The following BACH1 variants were observed in gnomAD, a reference collection of about 807,000 sequenced individuals.
The protein encoded by BACH1 is BTB domain and CNC homolog 1, also known as transcription regulator protein BACH1.
In BACH1, 35 loss-of-function variants were observed where a neutral mutation model predicts 52.9. The observed-to-expected ratio is 0.66, with a 90% CI of 0.51 to 0.88. The LOEUF is 0.88. BACH1 is among the 40% of genes least tolerant of loss of function. BACH1 has a pLI of 0.00. For missense variants in BACH1, 808 were observed against 872.6 expected (o/e 0.93, Z 0.93); for synonymous variants, 321 against 319.6 (o/e 1.00, Z -0.05).
Position 29,326,409 on chromosome 21 carries a change from C to T in BACH1, c.585C>T (p.Ala195=). The T allele has an allele frequency of 6.2e-7, 1 of 1,614,162 alleles. No individual in the cohort carries two copies. The highest frequency in any genetic ancestry group is 8.5e-7 in the Non-Finnish European group (1 of 1,180,026). ...KLRRYQGNAK[A]SPPLQDSASQ... ...GCAGGTATCAAGGAAATGCAAAAGC[C>T]TCACCTCCTCTACAAGACAGTGCCA... Residue 195 remains alanine, a synonymous_variant, in exon 3 of 5, where the codon GCC becomes GCT. Coordinates refer to ENST00000286800, the MANE Select transcript of BACH1 (RefSeq NM_001186.4).
intron 2 of BACH1, among the ~76,000 whole-genome samples, chr21:29,324,356 G>A (rs1192745030): frequency 6.6e-6 from 1 of 151,268 alleles, no homozygotes; most frequent in African/African-American, 2.4e-5. Flanking sequence ...CCCTTCCTCC[G>A]TGCCTAATCC....
intron 1 of BACH1, among the ~76,000 whole-genome samples, chr21:29,312,905 T>A (rs926115043): frequency 6.6e-6 from 1 of 152,084 alleles, no homozygotes; most frequent in African/African-American, 2.4e-5. Context: ...TTAATAAGAA[T>A]TAAAAAGCCC....
chr21:29,345,709 TAAC>T lies in BACH1; in HGVS notation c.*2880_*2882del, dbSNP rs1386478545. The T allele has an allele frequency of 6.6e-6, 1 of 152,618 alleles. No individual in the cohort carries two copies. The highest frequency in any genetic ancestry group is 1.5e-5 in the Non-Finnish European group (1 of 68,006). 9.5% of individuals were successfully genotyped at this position (152,618 alleles called of 1,614,324 possible). A position where few individuals can be genotyped will look rare whatever the true frequency, so the allele number is the denominator to read the frequency against. ...GTTGCATGTGGACACTCAGTCACAT[TAAC>T]AACTTGGGAAAAAAATGGCAATGTT... On this transcript the variant is annotated 3_prime_UTR_variant, in exon 5 of 5. Coordinates refer to ENST00000286800, the MANE Select transcript of BACH1 (RefSeq NM_001186.4).
At chr21:29,347,875 A>G (rs924599704), downstream of BACH1, among the ~76,000 whole-genome samples, 12 of 152,244 alleles carry the variant, frequency 7.9e-5, no homozygotes, top group African/African-American at 2.7e-4. Context: ...AGATCCCAAC[A>G]TAACATTCCC....
chr21:29,335,570 A>C (rs1381605328), intron 4 of BACH1, among the ~76,000 whole-genome samples: 1 of 152,204 alleles, frequency 6.6e-6, no homozygotes, highest in Admixed American at 6.5e-5. Context: ...AAAAATTTCA[A>C]GCTTTCAGAA....
chr21:29,333,522 A>G (rs1439780263), intron 4 of BACH1, among the ~76,000 whole-genome samples: 2 of 152,236 alleles, frequency 1.3e-5, no homozygotes, highest in African/African-American at 4.8e-5. Flanking sequence ...CACATAGTGA[A>G]TGACTGGTTG....
intron 1 of BACH1, among the ~76,000 whole-genome samples, chr21:29,320,574 G>A (rs953513653): frequency 9.9e-5 from 15 of 152,174 alleles, no homozygotes; most frequent in Non-Finnish European, 1.6e-4. Flanking sequence ...TTACTTGCCT[G>A]TATTTGTAGT....
In BACH1 at chr21:29,326,720, GC is replaced by G. The variant is rs2088916391; in HGVS notation, c.899del (p.Pro300GlnfsTer7). ...ACGAAGAAAGATCCTGCTTCTCAGT[GC>G]CCAACTGAAAAATCAGAAGTGACTC... ...EETKKDPASQ[C>X]PTEKSEVTPF... On this transcript the variant is annotated frameshift_variant, in exon 3 of 5. Coordinates refer to ENST00000286800, the MANE Select transcript of BACH1 (RefSeq NM_001186.4). LOFTEE classifies it high-confidence loss of function. 1 of 1,613,950 alleles carries G rather than the reference GC, an allele frequency of 6.2e-7. No homozygotes were observed. Among genetic ancestry groups the G allele is most frequent in the Non-Finnish European group, 8.5e-7 (1 of 1,180,034 alleles).
At chr21:29,335,998 G>C (rs2089040038) in intron 4 of BACH1, among the ~76,000 whole-genome samples, 1 of 152,086 alleles carries the variant, frequency 6.6e-6, no homozygotes, top group South Asian at 2.1e-4. Flanking sequence ...CCTTTATTAT[G>C]CCTGAGAATT....
In BACH1 at chr21:29,351,205, C is replaced by T. The variant is rs1046581934; in HGVS notation, c.472+21512C>T. Among the ~76,000 whole-genome samples, 7 of 152,152 alleles carry T rather than the reference C, an allele frequency of 4.6e-5. 1 individual carries two copies. Among genetic ancestry groups the T allele is most frequent in the Non-Finnish European group, 7.3e-5 (5 of 68,036 alleles). ...AGTTAATTTCCTTCTTTCAGGAGAC[C>T]GGACCTAAATAATTTTCCAGATACC... On this transcript the variant is annotated intron_variant, in intron 2 of 4. Coordinates refer to the BACH1 transcript ENST00000422809.
intron 1 of BACH1, among the ~76,000 whole-genome samples, chr21:29,301,412 C>T (rs989728736): frequency 2.6e-5 from 4 of 152,122 alleles, no homozygotes; most frequent in Non-Finnish European, 5.9e-5. Context: ...TTTCAACAAC[C>T]GGAATGCTTT....
chr21:29,358,802 G>GAAAGAAAGAA (rs1163252516), intron 2 of BACH1, among the ~76,000 whole-genome samples: 1 of 129,532 alleles, frequency 7.7e-6, no homozygotes, highest in African/African-American at 2.6e-5. Flanking sequence ...AAGAAAGAAA[G>GAAAGAAAGAA]AAAGAAAGAA....
At position 29,322,321 on chromosome 21, in the gene BACH1, T is replaced by G. The variant is rs181070881; in HGVS notation, c.234+807T>G. Among the ~76,000 whole-genome samples, 188 of 152,308 alleles carry G rather than the reference T, an allele frequency of 1.2e-3. 1 individual carries two copies. Among genetic ancestry groups the G allele is most frequent in the African/African-American group, 4.1e-3 (172 of 41,558 alleles). On this transcript the variant is annotated intron_variant, in intron 2 of 4. Transcript: ENST00000286800. ...AAGGAGGCACTCCATGAGTGTTCTGTCTCCCCTTCTTTCTTGACTTAGTCT... is the reference window on the plus strand; with the variant it reads ...AAGGAGGCACTCCATGAGTGTTCTGGCTCCCCTTCTTTCTTGACTTAGTCT...
intron 2 of BACH1, among the ~76,000 whole-genome samples, chr21:29,324,554 CCTT>C: frequency 9.2e-6 from 1 of 108,208 alleles, no homozygotes; most frequent in South Asian, 3.2e-4. Flanking sequence ...TATGGATGTA[CCTT>C]GTGTGTGTGT....
chr21:29,315,849 G>C (rs1746589514), intron 1 of BACH1, among the ~76,000 whole-genome samples: 1 of 151,886 alleles, frequency 6.6e-6, no homozygotes, highest in South Asian at 2.1e-4. Context: ...ACATATCTAG[G>C]TTATGTTCTT....
chr21:29,324,305 A>C (rs1275233303), intron 2 of BACH1, among the ~76,000 whole-genome samples: 2 of 151,154 alleles, frequency 1.3e-5, no homozygotes, highest in Non-Finnish European at 2.9e-5. Flanking sequence ...TTATAACCAC[A>C]GACATCTCCT....
chr21:29,300,041 G>C (rs1332139556), intron 1 of BACH1: 3 of 152,218 alleles, frequency 2.0e-5, no homozygotes, highest in African/African-American at 7.2e-5. Flanking sequence ...ACATAGTCAA[G>C]CAGAGAAATG....
At chr21:29,352,932 T>G (rs2089211807) in intron 2 of BACH1, among the ~76,000 whole-genome samples, 1 of 152,074 alleles carries the variant, frequency 6.6e-6, no homozygotes, top group Non-Finnish European at 1.5e-5. Context: ...AGGCCAGTCT[T>G]GAACTCCTGA....
intron 4 of BACH1, 86 bp from the exon 5 acceptor site, chr21:29,342,313 A>G: frequency 7.8e-7 from 1 of 1,285,404 alleles, no homozygotes. Flanking sequence ...CTTGATGAGA[A>G]GCCCCTGTAT....
Sources: gnomAD v4.1 joint callset for allele counts (sites outside exome capture counted in the v4.1 genomes callset) on GRCh38, gnomAD v4.1.1 for gene constraint, MANE v1.5 for transcripts, NCBI Gene and HGNC (gene_info 2026-07-23, HGNC 2026-07-21) for gene names.